The following MAP3K15 variants were observed in gnomAD, a reference collection of about 807,000 sequenced individuals.
MAP3K15 encodes MAPK/ERK kinase kinase 15.
In MAP3K15, 124 loss-of-function variants were observed where a neutral mutation model predicts 99.5. The observed-to-expected ratio is 1.25, with a 90% confidence interval of 1.08 to 1.45. The LOEUF (loss-of-function observed/expected upper bound fraction) is 1.45. Ranked by LOEUF, MAP3K15 falls within the 40% of genes most tolerant of loss-of-function variation. MAP3K15 has a pLI of 0.00. For synonymous variants in MAP3K15, 494 were observed against 439.6 expected (o/e 1.12, Z -1.55); for missense variants, 1,242 against 1,079.7 (o/e 1.15, Z -2.11).
Position 19,459,995 on chromosome X carries a change from C to T in MAP3K15, c.878G>A (p.Arg293His), listed in dbSNP as rs759121677. 9 of 1,156,527 alleles carry T rather than the reference C, an allele frequency of 7.8e-6. No individual in the cohort carries two copies. The highest frequency in any genetic ancestry group is 2.5e-5 in the Admixed American group (1 of 39,820). The part of the protein sequence containing the change: ...DIIINLLLSY[R>H]DIQDYDAMVK... ...AGGTGGATTTCATACCTGGATATCA[C>T]GGTAGGACAGGAGTAAGTTAATGAT... Residue 293 changes from arginine to histidine, a missense_variant, in exon 5 of 29, where the codon CGT (arginine) becomes CAT (histidine). Arg to His is a conservative substitution (Grantham distance 29). Coordinates refer to ENST00000338883, the MANE Select transcript of MAP3K15 (RefSeq NM_001001671.4).
chrX:19,401,385 C>T lies in MAP3K15; in HGVS notation c.1845-722G>A, dbSNP rs144819071. Among the ~76,000 whole-genome samples the T allele has an allele frequency of 9.8e-3, 1,072 of 109,827 alleles. 15 individuals carry two copies. The highest frequency in any genetic ancestry group is 0.033 in the African/African-American group (1,003 of 30,118). On this transcript the variant is annotated intron_variant, in intron 13 of 28. Transcript: ENST00000338883. ...GGCTAATTTTTGTATTTTTTGTAGA[C>T]GGGGTCTCACTATGTTGCCCAGCTT...
At chrX:19,412,539 G>A (rs1175655407) in intron 11 of MAP3K15, among the ~76,000 whole-genome samples, 1 of 110,909 alleles carries the variant, frequency 9.0e-6, no homozygotes, top group Admixed American at 9.6e-5. Flanking sequence ...CTCCCGCAGG[G>A]ACAGCTCAGG....
chrX:19,497,722 C>T (rs983680674), intron 1 of MAP3K15: 3 of 111,087 alleles, frequency 2.7e-5, no homozygotes, highest in African/African-American at 6.6e-5. Context: ...TAGAACTGGG[C>T]TGATGCAACA....
chrX:19,428,869 T>G (rs2063855125), intron 7 of MAP3K15, among the ~76,000 whole-genome samples: 1 of 110,645 alleles, frequency 9.0e-6, no homozygotes, highest in African/African-American at 3.3e-5. Context: ...TTCAGGAGGC[T>G]GAGGCAGGGG....
In MAP3K15 at chrX:19,374,592, T is replaced by G. The variant is rs1394732267; in HGVS notation, c.2658A>C (p.Leu886Phe). 3.3e-6 allele frequency: 4 copies of G among 1,209,640 alleles called. No homozygotes were observed. Among genetic ancestry groups the G allele is most frequent in the Admixed American group, 4.4e-5 (2 of 45,702 alleles). ...ALSAEARAFI[L>F]SCFEPDPHKR... ...TGTGGGGGTCAGGCTCGAAACAGGA[T>G]AAAATGAAGGCTCGGGCTTCAGCTG... The change falls in exon 20 of 29, where the codon TTA becomes TTC. Residue 886 changes from leucine to phenylalanine, a missense_variant. Physicochemically the swap from Leu to Phe is conservative, Grantham distance 22 (BLOSUM62 0). Transcript: ENST00000338883.
chrX:19,461,734 T>C (rs1288808255), intron 4 of MAP3K15, among the ~76,000 whole-genome samples: 1 of 111,265 alleles, frequency 9.0e-6, no homozygotes, highest in Non-Finnish European at 1.9e-5. Flanking sequence ...CTCAGGCCTA[T>C]AATCTCAGCA....
chrX:19,514,803 AG>A (rs1718772840), intron 1 of MAP3K15, 97 bp downstream of exon 1: 2 of 52,886 alleles, frequency 3.8e-5, no homozygotes, highest in African/African-American at 4.7e-4. Context: ...GACGAGGGGG[AG>A]GGGGACGGGG....
At chrX:19,393,508 G>A (rs761141655) in intron 16 of MAP3K15, among the ~76,000 whole-genome samples, 5 of 110,669 alleles carry the variant, frequency 4.5e-5, no homozygotes, top group Non-Finnish European at 7.6e-5. Flanking sequence ...GCACGCACTT[G>A]TAATCCTAGC....
At chrX:19,366,734 T>A (rs182155158) in intron 25 of MAP3K15, among the ~76,000 whole-genome samples, 1 of 111,961 alleles carries the variant, frequency 8.9e-6, no homozygotes, top group Admixed American at 9.5e-5. Context: ...ATTGCCCAGT[T>A]TCTGGTATGT....
chrX:19,374,124 A>G (rs1296894167), intron 20 of MAP3K15, among the ~76,000 whole-genome samples: 1 of 111,107 alleles, frequency 9.0e-6, no homozygotes, highest in East Asian at 2.9e-4. Flanking sequence ...GCCAGGCTCC[A>G]AAACTGAAGC....
At chrX:19,430,800 C>G (rs1403632582) in intron 7 of MAP3K15, among the ~76,000 whole-genome samples, 1 of 110,990 alleles carries the variant, frequency 9.0e-6, no homozygotes, top group Non-Finnish European at 1.9e-5. Context: ...ACCAAGAACA[C>G]TTTCTCCAGT....
chrX:19,471,765 G>C (rs2064209015), intron 3 of MAP3K15, among the ~76,000 whole-genome samples: 1 of 110,817 alleles, frequency 9.0e-6, no homozygotes, highest in Non-Finnish European at 1.9e-5. Context: ...CTTTTCATTA[G>C]AAACAACGAA....
intron 13 of MAP3K15, among the ~76,000 whole-genome samples, chrX:19,403,164 T>C (rs1033266359): frequency 1.8e-5 from 2 of 111,191 alleles, no homozygotes; most frequent in Admixed American, 1.9e-4. Flanking sequence ...TACAAGAATG[T>C]ATATATGTAT....
At chrX:19,405,674 T>G (rs988331029) in intron 13 of MAP3K15, among the ~76,000 whole-genome samples, 3 of 112,588 alleles carry the variant, frequency 2.7e-5, no homozygotes, top group Non-Finnish European at 5.6e-5. Context: ...ATAACTGTAC[T>G]GTAATTACAC....
At chrX:19,369,010 T>C (rs1223881603) in intron 25 of MAP3K15, 44 bp downstream of exon 25, 1 of 1,124,590 alleles carries the variant, frequency 8.9e-7, no homozygotes, top group Non-Finnish European at 1.2e-6. Flanking sequence ...CTCAGGCCAC[T>C]GTCCCAGCGC....
rs753152404 is a variant in MAP3K15, at chrX:19,447,883, C to CAAAAAAAAAAAAA, written c.995+9017_995+9029dup. Among the ~76,000 whole-genome samples, 149 of 25,939 alleles carry CAAAAAAAAAAAAA rather than the reference C, an allele frequency of 5.7e-3. 1 individual carries two copies. Among genetic ancestry groups the CAAAAAAAAAAAAA allele is most frequent in the African/African-American group, 0.017 (147 of 8,462 alleles). The allele number at this position is 25,939 out of a possible 115,157, so 22.5% of individuals were successfully genotyped here. ...TGGGCGACAGAGCGAGACTCCGTCT[C>CAAAAAAAAAAAAA]AAAAAAAAAAAAAAAAAAAAAAGAA... On this transcript the variant is annotated intron_variant, in intron 6 of 28. Coordinates refer to ENST00000338883, the MANE Select transcript of MAP3K15 (RefSeq NM_001001671.4).
intron 13 of MAP3K15, among the ~76,000 whole-genome samples, chrX:19,402,454 A>T (rs2063615851): frequency 9.0e-6 from 1 of 111,119 alleles, no homozygotes; most frequent in Non-Finnish European, 1.9e-5. Flanking sequence ...CCTATAATCC[A>T]GTAATCCACT....
intron 3 of MAP3K15, among the ~76,000 whole-genome samples, chrX:19,476,137 C>A (rs970427515): frequency 4.5e-5 from 5 of 112,132 alleles, no homozygotes; most frequent in Admixed American, 9.5e-5. Flanking sequence ...CAGAAAACAT[C>A]TTTTATAATG....
intron 24 of MAP3K15, among the ~76,000 whole-genome samples, chrX:19,370,167 G>A (rs916118265): frequency 8.9e-6 from 1 of 111,759 alleles, no homozygotes; most frequent in African/African-American, 3.3e-5. Context: ...TTAGCAGGAA[G>A]AAGTCACCAG....
Sources: gnomAD v4.1 joint callset for allele counts (sites outside exome capture counted in the v4.1 genomes callset) on GRCh38, gnomAD v4.1.1 for gene constraint, MANE v1.5 for transcripts, NCBI Gene and HGNC (gene_info 2026-07-23, HGNC 2026-07-21) for gene names.